Variants in CDH18 observed in about 807,000 individuals in gnomAD.
CDH18 encodes cadherin-18.
In CDH18, 31 loss-of-function variants were observed where a neutral mutation model predicts 67.9. That is an observed-to-expected ratio of 0.46 (90% CI 0.34 to 0.62). CDH18 has a LOEUF of 0.62. CDH18 is among the 20% of genes least tolerant of loss of function. CDH18 has a pLI of 0.01. For synonymous variants in CDH18, 362 were observed against 347.2 expected (o/e 1.04, Z -0.48); for missense variants, 890 against 975.5 (o/e 0.91, Z 1.17).
chr5:19,787,654 T>C (rs1183252669), intron 3 of CDH18, among the ~76,000 whole-genome samples: 4 of 151,344 alleles, frequency 2.6e-5, no homozygotes, highest in Admixed American at 2.6e-4. Flanking sequence ...TCATGAGACA[T>C]AAATAAACAA....
intron 1 of CDH18, among the ~76,000 whole-genome samples, chr5:20,345,114 CTT>C (rs1740597719): frequency 6.6e-6 from 1 of 152,096 alleles, no homozygotes; most frequent in South Asian, 2.1e-4. Context: ...TATTGAAACA[CTT>C]TTTGATGCAT....
rs77623213 is a variant in CDH18 at position 20,044,414 on chromosome 5, C to A, written c.-517-52400G>T. Among the ~76,000 whole-genome samples, 3,393 of 152,178 alleles carry A rather than the reference C, an allele frequency of 0.022. 187 individuals carry two copies. The East Asian group carries it at 0.25, about 11-fold the overall frequency. ...GACATGAATAATTATGTATATTTTT[C>A]ATCTCCTATAAACATTCTAAGTGTG... On this transcript the variant is annotated intron_variant, in intron 2 of 14. Coordinates refer to the CDH18 transcript ENST00000507958.
chr5:20,293,505 A>G (rs887687045), intron 1 of CDH18, among the ~76,000 whole-genome samples: 1 of 152,172 alleles, frequency 6.6e-6, no homozygotes, highest in Non-Finnish European at 1.5e-5. Flanking sequence ...ATTGTCCAAC[A>G]TGGAAAAGTA....
At chr5:20,272,666 T>C (rs1469481902) in intron 1 of CDH18, among the ~76,000 whole-genome samples, 1 of 152,018 alleles carries the variant, frequency 6.6e-6, no homozygotes, top group East Asian at 1.9e-4. Flanking sequence ...TATATTGACA[T>C]AACATACTAA....
intron 1 of CDH18, among the ~76,000 whole-genome samples, chr5:20,442,241 C>G (rs10042153): frequency 0.24 from 36,877 of 151,526 alleles, 4,880 homozygotes; most frequent in East Asian, 0.3. Context: ...GATACACAAG[C>G]GAAGGAAACT....
intron 5 of CDH18, among the ~76,000 whole-genome samples, chr5:19,651,957 T>C (rs1446056069): frequency 2.6e-5 from 4 of 152,010 alleles, no homozygotes; most frequent in East Asian, 1.9e-4. Flanking sequence ...TTAACACTTG[T>C]AAGTTTCTTT....
intron 1 of CDH18, among the ~76,000 whole-genome samples, chr5:20,403,009 T>G (rs1240164312): frequency 1.0e-5 from 1 of 97,942 alleles, no homozygotes; most frequent in African/African-American, 4.2e-5. Flanking sequence ...ATGCCATGTC[T>G]ACTAAAAATA....
At chr5:19,722,700 G>A (rs190688141) in intron 4 of CDH18, among the ~76,000 whole-genome samples, 18 of 151,720 alleles carry the variant, frequency 1.2e-4, no homozygotes, top group Admixed American at 2.6e-4. Context: ...TTCATAAAAT[G>A]TACCTGATGA....
chr5:19,890,703 T>C, intron 2 of CDH18, among the ~76,000 whole-genome samples: 1 of 151,872 alleles, frequency 6.6e-6, no homozygotes, highest in East Asian at 1.9e-4. Context: ...CAAGTGATTC[T>C]CCTCCCTCAG....
intron 9 of CDH18, among the ~76,000 whole-genome samples, chr5:19,533,514 ATGT>A (rs1470664155): frequency 6.6e-6 from 1 of 152,142 alleles, no homozygotes; most frequent in Non-Finnish European, 1.5e-5. Context: ...AGATCAACAG[ATGT>A]TTTCAGGTTT....
At position 19,829,419 on chromosome 5, in the gene CDH18, C is replaced by T. The variant is rs969714163; in HGVS notation, c.228+9340G>A. On this transcript the variant is annotated intron_variant, in intron 3 of 12. Coordinates refer to ENST00000382275, the MANE Select transcript of CDH18 (RefSeq NM_004934.5). ...CAGTAGCACTTATATACAAGAACAACATCCAAGCTAAGAGCCAAAACAATA... is the reference window on the plus strand; with the variant it reads ...CAGTAGCACTTATATACAAGAACAATATCCAAGCTAAGAGCCAAAACAATA... Among the ~76,000 whole-genome samples the T allele has an allele frequency of 3.9e-5, 6 of 152,038 alleles. No individual in the cohort carries two copies. In the East Asian group the frequency reaches 1.2e-3, roughly 29 times the overall value.
rs182499453 is a variant in CDH18, at chr5:19,550,596, T to C, written c.1254-6591A>G. Among the ~76,000 whole-genome samples the C allele has an allele frequency of 1.4e-3, 218 of 152,344 alleles. 1 individual carries two copies. The highest frequency in any genetic ancestry group is 5.1e-3 in the African/African-American group (212 of 41,582). On this transcript the variant is annotated intron_variant, in intron 8 of 12. Coordinates refer to ENST00000382275, the MANE Select transcript of CDH18 (RefSeq NM_004934.5). ...TGTCCCTACAAAGGACATGAATTCA[T>C]CATTTTTTATGGCTGCATAGTATTC...
At chr5:19,866,974 C>T (rs965997939) in intron 2 of CDH18, among the ~76,000 whole-genome samples, 3 of 152,006 alleles carry the variant, frequency 2.0e-5, no homozygotes, top group African/African-American at 7.3e-5. Flanking sequence ...CCTGTAATCC[C>T]AGCTACTCGG....
intron 1 of CDH18, among the ~76,000 whole-genome samples, chr5:20,462,596 T>G (rs1184450476): frequency 6.6e-6 from 1 of 152,190 alleles, no homozygotes; most frequent in East Asian, 1.9e-4. Flanking sequence ...TATCAAACTA[T>G]CATTTTTTAT....
intron 2 of CDH18, among the ~76,000 whole-genome samples, chr5:20,046,721 A>G (rs1433853953): frequency 6.6e-6 from 1 of 150,968 alleles, no homozygotes; most frequent in Non-Finnish European, 1.5e-5. Context: ...TGAGGAAGTC[A>G]ACACATGAAA....
At chr5:19,710,591 G>C (rs1380412812) in intron 5 of CDH18, among the ~76,000 whole-genome samples, 6 of 151,742 alleles carry the variant, frequency 4.0e-5, no homozygotes, top group African/African-American at 1.2e-4. Flanking sequence ...CAATCATTTG[G>C]AAAAATCCTA....
At chr5:19,958,574 T>C (rs917586663) in intron 2 of CDH18, among the ~76,000 whole-genome samples, 1 of 151,774 alleles carries the variant, frequency 6.6e-6, no homozygotes, top group African/African-American at 2.4e-5. Context: ...CACTAAGCAG[T>C]ATTGGCTGAA....
At chr5:19,763,153 TG>T (rs1422014141) in intron 3 of CDH18, among the ~76,000 whole-genome samples, 1 of 152,108 alleles carries the variant, frequency 6.6e-6, no homozygotes, top group Non-Finnish European at 1.5e-5. Context: ...ATGTAAATGA[TG>T]AGTTAATGGG....
At chr5:20,508,166 A>G (rs1046461888) in intron 1 of CDH18, among the ~76,000 whole-genome samples, 1 of 151,602 alleles carries the variant, frequency 6.6e-6, no homozygotes, top group African/African-American at 2.4e-5. Context: ...CACTTAACAT[A>G]TATCTTCTTC....
Sources: allele counts gnomAD v4.1 joint callset (sites outside exome capture counted in the v4.1 genomes callset), GRCh38; gene constraint gnomAD v4.1.1; transcripts MANE v1.5; gene names NCBI Gene and HGNC (gene_info 2026-07-23, HGNC 2026-07-21).